DGLUCY: variants seen among roughly 807,000 people sequenced by gnomAD.
DGLUCY encodes D-glutamate cyclase, mitochondrial.
In DGLUCY, 58 loss-of-function variants were observed where a neutral mutation model predicts 58.5. That is an observed-to-expected ratio of 0.99 (90% CI 0.80 to 1.23). The LOEUF (loss-of-function observed/expected upper bound fraction) is 1.23, where lower values mean the gene tolerates loss of function less well. DGLUCY is among the 50% of genes most tolerant of loss of function. The probability of loss-of-function intolerance (pLI) is 0.00; values close to 1 mark genes in which losing one functional copy is unlikely to be tolerated. For synonymous variants in DGLUCY, 325 were observed against 314.1 expected (o/e 1.03, Z -0.37); for missense variants, 779 against 784.7 (o/e 0.99, Z 0.09).
intron 1 of DGLUCY, among the ~76,000 whole-genome samples, chr14:91,085,755 G>A (rs1288134901): frequency 1.3e-5 from 2 of 151,988 alleles, no homozygotes; most frequent in Non-Finnish European, 2.9e-5. Context: ...TTTTAGTAGA[G>A]CTGGGGTTTC....
chr14:91,086,891 A>G (rs564336600), intron 1 of DGLUCY, among the ~76,000 whole-genome samples: 1 of 152,182 alleles, frequency 6.6e-6, no homozygotes, highest in Admixed American at 6.5e-5. Context: ...GTTTGAAACC[A>G]CAGGTGCGCA....
chr14:91,152,399 GA>G (rs1188154752), intron 1 of DGLUCY, among the ~76,000 whole-genome samples: 1 of 151,504 alleles, frequency 6.6e-6, no homozygotes, highest in Non-Finnish European at 1.5e-5. Context: ...CCTGTCTCAA[GA>G]AAAAAAATAA....
chr14:91,192,189 A>G (rs1007437855), intron 9 of DGLUCY, among the ~76,000 whole-genome samples: 4 of 152,206 alleles, frequency 2.6e-5, no homozygotes, highest in African/African-American at 7.2e-5. Context: ...AAAGGCAGGA[A>G]GTTCCGACAC....
chr14:91,065,709 A>T (rs1404241402), intron 1 of DGLUCY, among the ~76,000 whole-genome samples: 1 of 152,212 alleles, frequency 6.6e-6, no homozygotes, highest in African/African-American at 2.4e-5. Flanking sequence ...GAGTTTTGGA[A>T]AAAACAGCAA....
At chr14:91,139,398 A>G (rs756775906) in intron 1 of DGLUCY, among the ~76,000 whole-genome samples, 5 of 152,184 alleles carry the variant, frequency 3.3e-5, no homozygotes, top group Non-Finnish European at 7.3e-5. Context: ...ACCCAGAAAT[A>G]ACCAGACCGG....
In DGLUCY at chr14:91,062,612, A is replaced by C. The variant is rs57388568; in HGVS notation, c.-82+1908A>C. On this transcript the variant is annotated intron_variant, in intron 1 of 4. Transcript: ENST00000521334. ...ATATATATATATATATATATATATAAACAATCCTTAGCTCAAGGGCAGTTA... is the reference window on the plus strand; with the variant it reads ...ATATATATATATATATATATATATACACAATCCTTAGCTCAAGGGCAGTTA... Among the ~76,000 whole-genome samples the C allele has an allele frequency of 4.7e-3, 135 of 28,696 alleles. 6 individuals carry two copies. The Middle Eastern group carries it at 0.068, about 14-fold the overall frequency. The allele number at this position is 28,696 out of a possible 152,430, so 18.8% of individuals were successfully genotyped here.
chr14:91,124,400 G>T (rs1429591317), intron 1 of DGLUCY, among the ~76,000 whole-genome samples: 4 of 152,156 alleles, frequency 2.6e-5, no homozygotes, highest in Non-Finnish European at 4.4e-5. Flanking sequence ...TGGTCTATGG[G>T]GTTGACAGTT....
upstream of DGLUCY, among the ~76,000 whole-genome samples, chr14:91,112,869 A>G (rs1421686612): frequency 6.6e-6 from 1 of 151,690 alleles, no homozygotes; most frequent in East Asian, 1.9e-4. Flanking sequence ...AATACAAAAA[A>G]TTAGCCAGGC....
At chr14:91,180,513 A>C (rs1226015838) in intron 7 of DGLUCY, among the ~76,000 whole-genome samples, 2 of 150,902 alleles carry the variant, frequency 1.3e-5, no homozygotes, top group Non-Finnish European at 3.0e-5. Context: ...CAGAGGTTGC[A>C]GTGAGCCAAG....
Position 91,180,700 on chromosome 14 carries a change from A to G in DGLUCY, c.731-486A>G, listed in dbSNP as rs185681751. Among the ~76,000 whole-genome samples the G allele has an allele frequency of 5.9e-5, 9 of 152,306 alleles. No homozygotes were observed. The East Asian group carries it at 1.7e-3, about 29-fold the overall frequency. On this transcript the variant is annotated intron_variant, in intron 7 of 13. Coordinates refer to ENST00000256324, the MANE Select transcript of DGLUCY (RefSeq NM_001102368.3). ...CATTGCCTGAAATCTAACAAAGGAG[A>G]GTCTTTAAAGAATAAAATTAACATA...
At chr14:91,199,233 A>G (rs1483690009) in intron 10 of DGLUCY, among the ~76,000 whole-genome samples, 3 of 151,522 alleles carry the variant, frequency 2.0e-5, no homozygotes, top group African/African-American at 7.3e-5. Context: ...TGACCCTACT[A>G]AAGAAATTGC....
chr14:91,071,306 C>A, intron 1 of DGLUCY, among the ~76,000 whole-genome samples: 1 of 142,522 alleles, frequency 7.0e-6, no homozygotes. Context: ...CACTGCACTC[C>A]ATCCTGGGCA....
At chr14:91,081,680 T>C (rs1341739105) in intron 1 of DGLUCY, among the ~76,000 whole-genome samples, 2 of 152,160 alleles carry the variant, frequency 1.3e-5, no homozygotes, top group East Asian at 1.9e-4. Context: ...TGTGGCTCCT[T>C]TCTCTATCTT....
chr14:91,181,099 C>CATCTTGCCT, intron 7 of DGLUCY, 87 bp from the exon 8 acceptor site: 1 of 1,290,100 alleles, frequency 7.8e-7, no homozygotes, highest in South Asian at 1.3e-5. Flanking sequence ...GGCCAGGTGC[C>CATCTTGCCT]ATCTTGCCTA....
chr14:91,131,227 G>C (rs958775135), intron 1 of DGLUCY, among the ~76,000 whole-genome samples: 2 of 152,162 alleles, frequency 1.3e-5, no homozygotes, highest in Non-Finnish European at 2.9e-5. Flanking sequence ...TAGGATTATA[G>C]ACACGGAATA....
At chr14:91,202,414 C>T (rs966071465) in intron 11 of DGLUCY, among the ~76,000 whole-genome samples, 2 of 152,140 alleles carry the variant, frequency 1.3e-5, no homozygotes. Context: ...CAAGTGTTTC[C>T]CAGACTCATT....
At chr14:91,153,032 C>A (rs192312762) in intron 1 of DGLUCY, among the ~76,000 whole-genome samples, 140 of 152,252 alleles carry the variant, frequency 9.2e-4, no homozygotes, top group African/African-American at 3.3e-3. Context: ...CTTGGGTTTT[C>A]TCTTCCTTGA....
At chr14:91,104,820 C>G (rs1481653786), upstream of DGLUCY, among the ~76,000 whole-genome samples, 1 of 152,194 alleles carries the variant, frequency 6.6e-6, no homozygotes, top group Non-Finnish European at 1.5e-5. Context: ...TCCCAGCTCT[C>G]AGCTTCCCTG....
chr14:91,117,729 C>T (rs1435263358), intron 1 of DGLUCY, among the ~76,000 whole-genome samples: 6 of 151,860 alleles, frequency 4.0e-5, no homozygotes, highest in African/African-American at 1.5e-4. Flanking sequence ...CTGAGGCAAA[C>T]ATGAGGACCC....
Sources: gnomAD v4.1 joint callset for allele counts (sites outside exome capture counted in the v4.1 genomes callset) on GRCh38, gnomAD v4.1.1 for gene constraint, MANE v1.5 for transcripts, NCBI Gene and HGNC (gene_info 2026-07-23, HGNC 2026-07-21) for gene names.